Variants in STAC2 observed in about 807,000 individuals in gnomAD.
The protein encoded by STAC2 is SH3 and cysteine rich domain 2.
In STAC2, 36 loss-of-function variants were observed where a neutral mutation model predicts 49.0. The ratio of observed to expected loss-of-function variants is 0.74; its 90% CI spans 0.56 to 0.97. The LOEUF is 0.97. STAC2 is among the 50% of genes least tolerant of loss of function. The pLI, the probability that STAC2 is intolerant of heterozygous loss-of-function variation, is 0.00. For synonymous variants in STAC2, 239 were observed against 214.7 expected (o/e 1.11, Z -0.99); for missense variants, 527 against 543.8 (o/e 0.97, Z 0.31).
chr17:39,222,118 A>G (rs2046468885), intron 1 of STAC2, among the ~76,000 whole-genome samples: 1 of 151,810 alleles, frequency 6.6e-6, no homozygotes, highest in South Asian at 2.1e-4. Context: ...CCTCTCATAC[A>G]CTTCAGCCCT....
At position 39,218,060 on chromosome 17, in the gene STAC2, C is replaced by T. The variant is rs1399037897; in HGVS notation, c.204G>A (p.Leu68=). The part of the protein sequence containing the change: ...SELKCPTEVL[L]TPPTPLPPPS... Reference sequence around the variant, plus strand: ...GAGGGGGCAGTGGGGTTGGGGGCGTCAGCAGCACCTCGGTGGGGCACTTGA... The same window carrying T: ...GAGGGGGCAGTGGGGTTGGGGGCGTTAGCAGCACCTCGGTGGGGCACTTGA... Residue 68 remains leucine, a synonymous_variant, in exon 2 of 11, where the codon CTG becomes CTA. Transcript: ENST00000333461. 6.2e-7 allele frequency: 1 copy of T among 1,610,736 alleles called. No individual in the cohort carries two copies. Among genetic ancestry groups the T allele is most frequent in the Admixed American group, 1.7e-5 (1 of 59,914 alleles).
At position 39,225,361 on chromosome 17, in the gene STAC2, A is replaced by C; in HGVS notation, c.90+52T>G. ...GGGCCCACAGGAGGACCCCGCCGGG[A>C]AGAGGGCGCCCGGGCCCGGGGCGCG... On this transcript the variant is annotated intron_variant, in intron 1 of 10. Transcript: ENST00000333461. This position sits in a 1 kb window ranked among gnomAD's most constrained non-coding sequence, Gnocchi z 8.2. 1.3e-6 allele frequency: 2 copies of C among 1,493,776 alleles called. No individual in the cohort carries two copies. The highest frequency in any genetic ancestry group is 1.8e-6 in the Non-Finnish European group (2 of 1,111,204). The allele number at this position is 1,493,776 out of a possible 1,614,324, so 92.5% of individuals were successfully genotyped here.
Position 39,217,930 on chromosome 17 carries a change from T to C in STAC2, c.334A>G (p.Ser112Gly), listed in dbSNP as rs1308903175. The C allele has an allele frequency of 6.2e-7, 1 of 1,604,628 alleles. No individual in the cohort carries two copies. The highest frequency in any genetic ancestry group is 1.7e-5 in the Admixed American group (1 of 59,052). The change falls in exon 2 of 11, where the codon AGC (serine) becomes GGC (glycine). Residue 112 changes from serine (S) to glycine (G), a missense_variant. Transcript: ENST00000333461. ...LAALKPVRLH[S>G]FQEHVFKRAS... ...CGCTTGAAGACATGTTCCTGGAAGC[T>C]GTGCAGCCTCACTGGTTTGAGCGCT... is the stretch of plus-strand genomic sequence containing the variant.
At chr17:39,219,536 C>G (rs1200372878) in intron 1 of STAC2, among the ~76,000 whole-genome samples, 3 of 152,178 alleles carry the variant, frequency 2.0e-5, no homozygotes, top group Non-Finnish European at 4.4e-5. Flanking sequence ...TTGTGAGCCC[C>G]TTGGGGACGG....
In STAC2 at chr17:39,225,404, C is replaced by T; in HGVS notation, c.90+9G>A. ...GGGGCGCGGACAGGCCTTGCGCCCC[C>T]CAAGTTACCTTGGTTTCCTGGAGGG... On this transcript the variant is annotated intron_variant, in intron 1 of 10. Transcript: ENST00000333461. This position sits in a 1 kb window ranked among gnomAD's most constrained non-coding sequence, Gnocchi z 8.2. 6.3e-7 allele frequency: 1 copy of T among 1,599,066 alleles called. No homozygotes were observed.
chr17:39,224,114 C>G (rs1206181029), intron 1 of STAC2, among the ~76,000 whole-genome samples: 1 of 152,158 alleles, frequency 6.6e-6, no homozygotes, highest in Admixed American at 6.5e-5. Flanking sequence ...CGGCCTCCTC[C>G]TCCGGTCACT....
chr17:39,213,941 T>G (rs2046377708), intron 8 of STAC2, among the ~76,000 whole-genome samples: 1 of 151,962 alleles, frequency 6.6e-6, no homozygotes, highest in South Asian at 2.1e-4. Context: ...CCTCCCAAAG[T>G]GCTGGGATTA....
At chr17:39,218,285 G>T (rs2046428592) in intron 1 of STAC2, 112 bp from the exon 2 acceptor site, 1 of 1,119,876 alleles carries the variant, frequency 8.9e-7, no homozygotes, top group Non-Finnish European at 1.3e-6. Flanking sequence ...AGCAGCAGCA[G>T]CGTGGGGGCT....
chr17:39,215,620 T>C (rs1475797599), intron 4 of STAC2, among the ~76,000 whole-genome samples: 1 of 152,224 alleles, frequency 6.6e-6, no homozygotes, highest in African/African-American at 2.4e-5. Flanking sequence ...CAGAAAGCTT[T>C]TGTAGAAACA....
In STAC2 at chr17:39,218,033, G is replaced by A. The variant is rs368134527; in HGVS notation, c.231C>T (p.Pro77=). ...TGTCCGAGGCTGTGGGTGGTGGGGA[G>A]GGAGGGGGCAGTGGGGTTGGGGGCG... ...LLTPPTPLPP[P]SPPPTASDRG... The change falls in exon 2 of 11, where the codon CCC becomes CCT. Residue 77 remains proline, a synonymous_variant. Transcript: ENST00000333461. 6.4e-4 allele frequency: 1,021 copies of A among 1,596,900 alleles called. No individual in the cohort carries two copies. The highest frequency in any genetic ancestry group is 1.1e-3 in the Admixed American group (66 of 58,514).
chr17:39,221,321 G>A (rs1055784324), intron 1 of STAC2, among the ~76,000 whole-genome samples: 2 of 151,586 alleles, frequency 1.3e-5, no homozygotes, highest in African/African-American at 2.4e-5. Flanking sequence ...GGCTGCTCTC[G>A]AACTCCTGAC....
chr17:39,225,883 C>T lies in STAC2; in HGVS notation c.-381G>A, dbSNP rs1018568254. On this transcript the variant is annotated 5_prime_UTR_variant, in exon 1 of 11. Transcript: ENST00000333461. The surrounding 1 kb of genome is among the most constrained non-coding windows in gnomAD (Gnocchi z 8.2). ...GCGCCCGCCCCCCATCCCCTCCCCT[C>T]CCCCGCCGGCCCCAGCCCGGCACCC... is the stretch of plus-strand genomic sequence containing the variant. 1.7e-5 allele frequency: 4 copies of T among 235,994 alleles called. No individual in the cohort carries two copies. The highest frequency in any genetic ancestry group is 7.1e-5 in the African/African-American group (3 of 42,258). 14.6% of individuals were successfully genotyped at this position (235,994 alleles called of 1,614,324 possible). A position where few individuals can be genotyped will look rare whatever the true frequency, so the allele number is the denominator to read the frequency against.
chr17:39,212,078 G>A lies in STAC2; in HGVS notation c.*214C>T, dbSNP rs953347928. 6 of 62,304 alleles carry A rather than the reference G, an allele frequency of 9.6e-5. No individual in the cohort carries two copies. The highest frequency in any genetic ancestry group is 1.5e-4 in the Non-Finnish European group (5 of 32,550). The allele number at this position is 62,304 out of a possible 1,614,324, so 3.9% of individuals were successfully genotyped here. A position where few individuals can be genotyped will look rare whatever the true frequency, so the allele number is the denominator to read the frequency against. On this transcript the variant is annotated 3_prime_UTR_variant, in exon 11 of 11. Coordinates refer to ENST00000333461, the MANE Select transcript of STAC2 (RefSeq NM_198993.5). Reference sequence around the variant, plus strand: ...TTCCCTCCCACCCCACCCCATCCCCGCCAAGTCCCAGAGGATCAACCCACT... The same window carrying A: ...TTCCCTCCCACCCCACCCCATCCCCACCAAGTCCCAGAGGATCAACCCACT...
At position 39,218,127 on chromosome 17, in the gene STAC2, C is replaced by A; in HGVS notation, c.137G>T (p.Ser46Ile). ...AAGGAAGAAGTTCTCCAAGCTCTTA[C>A]TTCGGAGGATGGTCTTGAGGGAGAG... ...RSLSLKTILR[S>I]KSLENFFLRS... is the part of the protein sequence containing the mutation. The change falls in exon 2 of 11, where the codon AGT becomes ATT. Residue 46 changes from serine (S) to isoleucine (I), a missense_variant. By Grantham distance (142) the Ser-to-Ile change is moderately radical. Transcript: ENST00000333461. 1 of 1,613,512 alleles carries A rather than the reference C, an allele frequency of 6.2e-7. No individual in the cohort carries two copies. The highest frequency in any genetic ancestry group is 1.1e-5 in the South Asian group (1 of 91,070).
chr17:39,213,957 G>A (rs1354070515), intron 8 of STAC2, among the ~76,000 whole-genome samples: 2 of 152,140 alleles, frequency 1.3e-5, no homozygotes, highest in Non-Finnish European at 2.9e-5. Context: ...GATTACAAGG[G>A]TGAGCCACCG....
rs952472797 is a variant in STAC2, at chr17:39,218,025, G to A, written c.239C>T (p.Pro80Leu). 1.3e-6 allele frequency: 2 copies of A among 1,589,978 alleles called. No homozygotes were observed. Among genetic ancestry groups the A allele is most frequent in the African/African-American group, 1.3e-5 (1 of 74,626 alleles). The change falls in exon 2 of 11, where the codon CCA (proline) becomes CTA (leucine). Residue 80 changes from proline (P) to leucine (L), a missense_variant. Transcript: ENST00000333461. ...CAGGCCCCTGTCCGAGGCTGTGGGT[G>A]GTGGGGAGGGAGGGGGCAGTGGGGT... is the stretch of plus-strand genomic sequence containing the variant. ...PPTPLPPPSPPPTASDRGLAT... is the reference protein window; with the variant it reads ...PPTPLPPPSPLPTASDRGLAT...
Position 39,213,559 on chromosome 17 carries a change from C to G in STAC2, c.942-1G>C. 6.2e-7 allele frequency: 1 copy of G among 1,613,702 alleles called. No individual in the cohort carries two copies. The highest frequency in any genetic ancestry group is 8.5e-7 in the Non-Finnish European group (1 of 1,179,746). ...CACCAGCATGATCCGATCTCCAGGC[C>G]TGGGGAGGACAGAGCTAGGGTTGCA... On this transcript the variant is annotated splice_acceptor_variant, in intron 8 of 10. Coordinates refer to ENST00000333461, the MANE Select transcript of STAC2 (RefSeq NM_198993.5). LOFTEE classifies it high-confidence loss of function.
At chr17:39,215,586 A>T (rs1326835997) in intron 4 of STAC2, among the ~76,000 whole-genome samples, 1 of 152,176 alleles carries the variant, frequency 6.6e-6, no homozygotes. Flanking sequence ...CTTCCACTCT[A>T]GCCCTGCCAG....
intron 1 of STAC2, 38 bp from the exon 2 acceptor site, chr17:39,218,211 A>G (rs199858782): frequency 4.3e-6 from 7 of 1,610,338 alleles, no homozygotes; most frequent in Non-Finnish European, 5.9e-6. Flanking sequence ...GGGAGCCTAG[A>G]GGGGGCTGGC....
Sources: gnomAD v4.1 joint callset for allele counts (sites outside exome capture counted in the v4.1 genomes callset) on GRCh38, gnomAD v4.1.1 for gene constraint, Gnocchi (gnomAD v3.1) non-coding constraint, MANE v1.5 for transcripts, NCBI Gene and HGNC (gene_info 2026-07-23, HGNC 2026-07-21) for gene names.